KIAA1328: variants seen among roughly 807,000 people sequenced by gnomAD.
KIAA1328 encodes the protein protein hinderin.
In KIAA1328, 52 loss-of-function variants were observed where a neutral mutation model predicts 68.1. The ratio of observed to expected loss-of-function variants is 0.76; its 90% CI spans 0.61 to 0.96. The LOEUF (loss-of-function observed/expected upper bound fraction) is 0.96, where lower values mean the gene tolerates loss of function less well. Among genes scored for constraint, KIAA1328 ranks in the 40% least tolerant of loss-of-function variants. The pLI is 0.00. For missense variants in KIAA1328, 641 were observed against 677.6 expected, an observed-to-expected ratio of 0.95 and a Z score of 0.60; for synonymous variants, 232 against 239.4, an observed-to-expected ratio of 0.97 and a Z score of 0.28.
At chr18:37,027,620 G>T (rs1568310152) in intron 6 of KIAA1328, among the ~76,000 whole-genome samples, 1 of 152,154 alleles carries the variant, frequency 6.6e-6, no homozygotes, top group Non-Finnish European at 1.5e-5. Flanking sequence ...AATGGGGAAA[G>T]GATTCCCTAT....
At chr18:37,011,468 A>T (rs2053977720) in intron 6 of KIAA1328, among the ~76,000 whole-genome samples, 1 of 152,146 alleles carries the variant, frequency 6.6e-6, no homozygotes. Flanking sequence ...ATTTCTTACC[A>T]ACTTCACTGC....
At chr18:37,115,780 A>C (rs551329330) in intron 7 of KIAA1328, among the ~76,000 whole-genome samples, 1 of 152,328 alleles carries the variant, frequency 6.6e-6, no homozygotes, top group East Asian at 1.9e-4. Flanking sequence ...GTCTCAGCCC[A>C]AAATCTCCTT....
intron 7 of KIAA1328, among the ~76,000 whole-genome samples, chr18:37,115,570 C>CA (rs2058082639): frequency 6.6e-6 from 1 of 152,132 alleles, no homozygotes; most frequent in Non-Finnish European, 1.5e-5. Context: ...ACTGAATGGG[C>CA]AAAAACTGGA....
intron 9 of KIAA1328, among the ~76,000 whole-genome samples, chr18:37,193,131 T>C (rs2059938840): frequency 6.6e-6 from 1 of 152,134 alleles, no homozygotes; most frequent in African/African-American, 2.4e-5. Context: ...TGGGCATTGT[T>C]GAAGAAGAGG....
Position 37,045,469 on chromosome 18 carries a change from CT to C in KIAA1328, c.577-21410del, listed in dbSNP as rs199552677. Among the ~76,000 whole-genome samples the C allele has an allele frequency of 8.0e-4, 116 of 145,730 alleles. 1 individual carries two copies. The highest frequency in any genetic ancestry group is 2.8e-3 in the East Asian group (14 of 5,026). On this transcript the variant is annotated intron_variant, in intron 6 of 9. Coordinates refer to ENST00000280020, the MANE Select transcript of KIAA1328 (RefSeq NM_020776.3). ...CAAATGCTTACCAAGCATTCCATTTCTTTTTTTTTTTCTTTAGGCTGTTTTC... is the reference window on the plus strand; with the variant it reads ...CAAATGCTTACCAAGCATTCCATTTCTTTTTTTTTTCTTTAGGCTGTTTTC...
At chr18:37,053,947 T>A (rs2055805942) in intron 6 of KIAA1328, among the ~76,000 whole-genome samples, 1 of 150,820 alleles carries the variant, frequency 6.6e-6, no homozygotes, top group African/African-American at 2.4e-5. Context: ...TATAAGGAAC[T>A]TAATCAGATC....
At chr18:37,168,797 G>A (rs2059439879) in intron 8 of KIAA1328, among the ~76,000 whole-genome samples, 1 of 152,108 alleles carries the variant, frequency 6.6e-6, no homozygotes, top group Non-Finnish European at 1.5e-5. Context: ...TGCTGCCAGG[G>A]CTTGCTTTCT....
At chr18:36,949,855 T>C (rs956689630) in intron 5 of KIAA1328, among the ~76,000 whole-genome samples, 4 of 151,982 alleles carry the variant, frequency 2.6e-5, no homozygotes, top group Non-Finnish European at 5.9e-5. Context: ...CCCAATGGAT[T>C]ACTGTCATCA....
chr18:36,844,061 A>T, intron 3 of KIAA1328, 147 bp from the exon 4 acceptor site: 1 of 529,002 alleles, frequency 1.9e-6, no homozygotes, highest in Non-Finnish European at 3.4e-6. Context: ...GCCTGTTTTT[A>T]GTTCACAGTA....
intron 5 of KIAA1328, chr18:36,902,263 G>A (rs945028220): frequency 1.3e-5 from 2 of 151,212 alleles, no homozygotes; most frequent in African/African-American, 4.8e-5. Context: ...TTTTTTTGCT[G>A]GAGGGGTGGT....
intron 6 of KIAA1328, among the ~76,000 whole-genome samples, chr18:37,028,333 C>T (rs2054678660): frequency 6.6e-6 from 1 of 151,982 alleles, no homozygotes; most frequent in South Asian, 2.1e-4. Context: ...TGGCCCTCAG[C>T]TTGGATGTTG....
chr18:37,058,584 C>A (rs1297780439), intron 6 of KIAA1328, among the ~76,000 whole-genome samples: 1 of 151,916 alleles, frequency 6.6e-6, no homozygotes, highest in African/African-American at 2.4e-5. Flanking sequence ...ATGCAGCGTG[C>A]CCCTGTAGTC....
intron 6 of KIAA1328, among the ~76,000 whole-genome samples, chr18:37,007,272 T>C (rs1419772214): frequency 6.6e-6 from 1 of 152,170 alleles, no homozygotes; most frequent in African/African-American, 2.4e-5. Context: ...GTTTAACCAA[T>C]AAGGCAAAGA....
At chr18:37,167,578 C>T (rs1176964938) in intron 8 of KIAA1328, among the ~76,000 whole-genome samples, 2 of 152,058 alleles carry the variant, frequency 1.3e-5, no homozygotes, top group Non-Finnish European at 2.9e-5. Context: ...GGTCAATGGC[C>T]TGCCAGTGTC....
chr18:37,225,319 A>G lies in KIAA1328; in HGVS notation c.*3092A>G. Reference sequence around the variant, plus strand: ...GATTTCAAGTTAATAAATCATCTCTATGGCTATTTTCCCCATGTGGGTTTG... The same window carrying G: ...GATTTCAAGTTAATAAATCATCTCTGTGGCTATTTTCCCCATGTGGGTTTG... On this transcript the variant is annotated 3_prime_UTR_variant, in exon 10 of 10. Coordinates refer to ENST00000280020, the MANE Select transcript of KIAA1328 (RefSeq NM_020776.3). 1 of 985,224 alleles carries G rather than the reference A, an allele frequency of 1.0e-6. No individual in the cohort carries two copies. 61.0% of individuals were successfully genotyped at this position (985,224 alleles called of 1,614,324 possible).
chr18:37,163,338 A>G (rs1413579639), intron 8 of KIAA1328, among the ~76,000 whole-genome samples: 1 of 152,208 alleles, frequency 6.6e-6, no homozygotes, highest in South Asian at 2.1e-4. Flanking sequence ...GTCAGGCTGT[A>G]AAACCTGACT....
At position 37,160,288 on chromosome 18, in the gene KIAA1328, A is replaced by G; in HGVS notation, c.1321A>G (p.Arg441Gly). The change falls in exon 8 of 10, where the codon AGG becomes GGG. Residue 441 changes from arginine to glycine, a missense_variant. Arg to Gly is a moderately radical substitution (Grantham distance 125). Transcript: ENST00000280020. ...HQDPPNSGEN[R>G]KERKTVGFHS... ...AGACCCCCCAAACAGTGGAGAGAAT[A>G]GGAAGGAGAGGAAGACAGTTGGGTT... 6.2e-7 allele frequency: 1 copy of G among 1,613,762 alleles called. No individual in the cohort carries two copies. The highest frequency in any genetic ancestry group is 1.1e-5 in the South Asian group (1 of 91,056).
intron 5 of KIAA1328, among the ~76,000 whole-genome samples, chr18:36,953,356 T>C (rs1280524146): frequency 1.4e-5 from 2 of 144,926 alleles, no homozygotes; most frequent in African/African-American, 2.5e-5. Context: ...AAAGCAGATA[T>C]AGCCAATGCC....
intron 9 of KIAA1328, chr18:37,193,666 T>G (rs1405966168): frequency 4.3e-6 from 3 of 702,404 alleles, no homozygotes; most frequent in Non-Finnish European, 7.8e-6. Flanking sequence ...AATGCTAGGC[T>G]ACACGGATTA....
Sources: gnomAD v4.1 joint callset for allele counts (sites outside exome capture counted in the v4.1 genomes callset) on GRCh38, gnomAD v4.1.1 for gene constraint, MANE v1.5 for transcripts, NCBI Gene and HGNC (gene_info 2026-07-23, HGNC 2026-07-21) for gene names.